KIFC3: variants seen among roughly 807,000 people sequenced by gnomAD.
KIFC3 encodes the protein kinesin-like protein KIFC3.
Under a neutral mutation model 101.8 loss-of-function variants are expected in KIFC3, and 60 were observed. The observed-to-expected ratio is 0.59, with a 90% confidence interval of 0.48 to 0.73. The LOEUF is 0.73. KIFC3 is among the 30% of genes least tolerant of loss of function. KIFC3 has a pLI of 0.00. For missense variants in KIFC3, 966 were observed against 1,137.1 expected (o/e 0.85, Z 2.16); for synonymous variants, 476 against 482.7 (o/e 0.99, Z 0.18).
intron 1 of KIFC3, among the ~76,000 whole-genome samples, chr16:57,824,674 C>T (rs372778954): frequency 3.9e-5 from 6 of 152,130 alleles, no homozygotes; most frequent in Non-Finnish European, 4.4e-5. Flanking sequence ...CAGAGCAAGA[C>T]GCTGTCTCAA....
At position 57,771,431 on chromosome 16, in the gene KIFC3, C is replaced by A; in HGVS notation, c.532G>T (p.Ala178Ser). 1 of 1,613,570 alleles carries A rather than the reference C, an allele frequency of 6.2e-7. No individual in the cohort carries two copies. The highest frequency in any genetic ancestry group is 8.5e-7 in the Non-Finnish European group (1 of 1,180,036). The stretch of plus-strand genomic sequence containing the variant: ...TGGGACAGCTTGTCACGGAGCTGGG[C>A]GCTCTCCTGCAGCCATTGGGAGGCA... Reference protein sequence around the residue: ...CPGCEHSQESAQLRDKLSQLQ... With the variant: ...CPGCEHSQESSQLRDKLSQLQ... Residue 178 changes from alanine (A) to serine (S), a missense_variant, in exon 6 of 20, where the codon GCC (alanine) becomes TCC (serine). Coordinates refer to ENST00000445690, the MANE Select transcript of KIFC3 (RefSeq NM_001130100.2).
At chr16:57,861,930 C>A (rs1185569769) in intron 1 of KIFC3, among the ~76,000 whole-genome samples, 2 of 152,098 alleles carry the variant, frequency 1.3e-5, no homozygotes, top group African/African-American at 4.8e-5. Flanking sequence ...GCCTGGGCAA[C>A]AAAGTGAAAC....
chr16:57,854,961 C>T (rs557976358), intron 1 of KIFC3, among the ~76,000 whole-genome samples: 40 of 151,502 alleles, frequency 2.6e-4, no homozygotes, highest in African/African-American at 9.7e-4. Flanking sequence ...GGCTGACACC[C>T]GTAATCCCAG....
chr16:57,849,211 T>G (rs879300166), intron 1 of KIFC3, among the ~76,000 whole-genome samples: 1 of 152,208 alleles, frequency 6.6e-6, no homozygotes, highest in Non-Finnish European at 1.5e-5. Context: ...GCAACTACCA[T>G]CACAGTTTCT....
chr16:57,822,239 C>A (rs1555630013), intron 1 of KIFC3, among the ~76,000 whole-genome samples: 1 of 152,152 alleles, frequency 6.6e-6, no homozygotes, highest in African/African-American at 2.4e-5. Flanking sequence ...CCTCTCTGAG[C>A]CTGTTTCCTT....
chr16:57,822,857 T>C (rs1282106579), intron 1 of KIFC3, among the ~76,000 whole-genome samples: 1 of 152,216 alleles, frequency 6.6e-6, no homozygotes, highest in Admixed American at 6.5e-5. Flanking sequence ...AAAATCCCAA[T>C]ACAGTCTGTA....
At chr16:57,781,577 C>T (rs4784858) in intron 3 of KIFC3, among the ~76,000 whole-genome samples, 106,995 of 152,104 alleles carry the variant, frequency 0.7, 38,938 homozygotes, top group Non-Finnish European at 0.79. Context: ...ATTGGCCCAA[C>T]TGCTCTCAGT....
chr16:57,818,090 G>A (rs142120799), intron 1 of KIFC3, among the ~76,000 whole-genome samples: 76 of 150,832 alleles, frequency 5.0e-4, no homozygotes, highest in Non-Finnish European at 9.2e-4. Context: ...GTGCAGTGGC[G>A]TGATCTCTGC....
At chr16:57,761,609 A>G in intron 13 of KIFC3, 73 bp from the exon 14 acceptor site, 3 of 1,544,492 alleles carry the variant, frequency 1.9e-6, no homozygotes, top group Non-Finnish European at 2.6e-6. Context: ...CCAGCCCCCC[A>G]GCCAGGAATG....
intron 1 of KIFC3, among the ~76,000 whole-genome samples, chr16:57,834,933 A>G (rs1244137834): frequency 1.3e-5 from 2 of 152,236 alleles, no homozygotes; most frequent in African/African-American, 4.8e-5. Flanking sequence ...CACTGCTGCC[A>G]ATAGCTTTTC....
chr16:57,817,179 C>T (rs1053879275), intron 1 of KIFC3, among the ~76,000 whole-genome samples: 1 of 151,894 alleles, frequency 6.6e-6, no homozygotes, highest in African/African-American at 2.4e-5. Flanking sequence ...GCCAACATGG[C>T]GAAACCCTGT....
At chr16:57,850,058 C>T (rs1437312483) in intron 1 of KIFC3, among the ~76,000 whole-genome samples, 3 of 151,522 alleles carry the variant, frequency 2.0e-5, no homozygotes, top group Non-Finnish European at 4.4e-5. Flanking sequence ...CGTGCCATTA[C>T]ACTTCAGCCT....
At position 57,769,738 on chromosome 16, in the gene KIFC3, T is replaced by G; in HGVS notation, c.1088-13A>C. On this transcript the variant is annotated splice_polypyrimidine_tract_variant and intron_variant, in intron 8 of 19. Coordinates refer to ENST00000445690, the MANE Select transcript of KIFC3 (RefSeq NM_001130100.2). The surrounding 1 kb of genome is among the most constrained non-coding windows in gnomAD (Gnocchi z 4.3). ...TTGGTCCGGACGCCTATGGGGACAC[T>G]CGGGCTGTGAGGCGGGAGGGGATGA... 6.2e-7 allele frequency: 1 copy of G among 1,612,776 alleles called. No homozygotes were observed.
In KIFC3 at chr16:57,780,667, A is replaced by ATTT. The variant is rs1191334568; in HGVS notation, c.316-8382_316-8380dup. Among the ~76,000 whole-genome samples, 381 of 69,938 alleles carry ATTT rather than the reference A, an allele frequency of 5.4e-3. 2 individuals are homozygous for ATTT. The highest frequency in any genetic ancestry group is 6.2e-3 in the Non-Finnish European group (249 of 40,250). The allele number at this position is 69,938 out of a possible 152,430, so 45.9% of individuals were successfully genotyped here. On this transcript the variant is annotated intron_variant, in intron 3 of 19. Coordinates refer to ENST00000445690, the MANE Select transcript of KIFC3 (RefSeq NM_001130100.2). ...TCCAGCCTGTGGTCTCTGAAGACAAATTTTTTTTTTTTTTTTTTTTTTTTT... is the reference window on the plus strand; with the variant it reads ...TCCAGCCTGTGGTCTCTGAAGACAAATTTTTTTTTTTTTTTTTTTTTTTTTTTT...
intron 1 of KIFC3, among the ~76,000 whole-genome samples, chr16:57,860,022 A>AAACAT: frequency 1.2e-5 from 1 of 86,900 alleles, no homozygotes; most frequent in East Asian, 3.8e-4. Context: ...ACTCTGTCTC[A>AAACAT]AAAATAAAAT....
intron 3 of KIFC3, among the ~76,000 whole-genome samples, chr16:57,781,428 G>A (rs913256505): frequency 1.3e-5 from 2 of 152,230 alleles, no homozygotes; most frequent in Non-Finnish European, 2.9e-5. Context: ...GGAACTCAAG[G>A]CCAGCAGGAC....
At chr16:57,829,332 C>A (rs1220610728) in intron 1 of KIFC3, among the ~76,000 whole-genome samples, 2 of 152,118 alleles carry the variant, frequency 1.3e-5, no homozygotes, top group African/African-American at 4.8e-5. Flanking sequence ...GAGCTCACTG[C>A]AGCCTCGACC....
chr16:57,771,336 G>A lies in KIFC3; in HGVS notation c.627C>T (p.Thr209=), dbSNP rs372531916. The A allele has an allele frequency of 8.7e-6, 14 of 1,613,674 alleles. No individual in the cohort carries two copies. Among genetic ancestry groups the A allele is most frequent in the South Asian group, 4.4e-5 (4 of 91,092 alleles). Reference sequence around the variant, plus strand: ...GCAGCTCCACCTCAGCCAGCCGGTCGGTCTTCTGCTGCACCTCTAGGTTCA... The same window carrying A: ...GCAGCTCCACCTCAGCCAGCCGGTCAGTCTTCTGCTGCACCTCTAGGTTCA... ...SELNLEVQQK[T]DRLAEVELRL... The change falls in exon 6 of 20, where the codon ACC becomes ACT. Residue 209 remains threonine (T), a synonymous_variant. Transcript: ENST00000445690.
intron 1 of KIFC3, among the ~76,000 whole-genome samples, chr16:57,801,511 C>T (rs2054719996): frequency 6.6e-6 from 1 of 152,176 alleles, no homozygotes. Context: ...ATGACTCTCC[C>T]TGGTCAAGGA....
Sources: gnomAD v4.1 joint callset for allele counts (sites outside exome capture counted in the v4.1 genomes callset) on GRCh38, gnomAD v4.1.1 for gene constraint, Gnocchi (gnomAD v3.1) non-coding constraint, MANE v1.5 for transcripts, NCBI Gene and HGNC (gene_info 2026-07-23, HGNC 2026-07-21) for gene names.